Variants in MAN1A2 observed in about 807,000 individuals in gnomAD.
MAN1A2 encodes the protein mannosyl-oligosaccharide 1,2-alpha-mannosidase IB.
Under a neutral mutation model 75.7 loss-of-function variants are expected in MAN1A2, and 26 were observed. The observed-to-expected ratio is 0.34, with a 90% confidence interval of 0.25 to 0.48. MAN1A2 has a LOEUF of 0.48. MAN1A2 is among the 20% of genes least tolerant of loss of function. The pLI, the probability that MAN1A2 is intolerant of heterozygous loss-of-function variation, is 0.99. For missense variants in MAN1A2, 562 were observed against 775.5 expected (o/e 0.72, Z 3.27); for synonymous variants, 247 against 264.6 (o/e 0.93, Z 0.65).
chr1:117,384,767 A>G (rs1024817865), intron 1 of MAN1A2, among the ~76,000 whole-genome samples: 1 of 152,074 alleles, frequency 6.6e-6, no homozygotes, highest in Non-Finnish European at 1.5e-5. Context: ...GTATATATTT[A>G]TAGTTTTTAT....
intron 6 of MAN1A2, among the ~76,000 whole-genome samples, chr1:117,445,058 G>C (rs374436749): frequency 1.3e-4 from 20 of 152,074 alleles, no homozygotes; most frequent in Non-Finnish European, 2.9e-4. Flanking sequence ...AGATGTTCTT[G>C]TTGTTGTTTT....
At chr1:117,374,890 A>G (rs1653089124) in intron 1 of MAN1A2, among the ~76,000 whole-genome samples, 1 of 152,214 alleles carries the variant, frequency 6.6e-6, no homozygotes, top group Non-Finnish European at 1.5e-5. Context: ...TCTTTTTTGT[A>G]TATAAAAATT....
At chr1:117,470,679 T>G (rs1650121390) in intron 8 of MAN1A2, among the ~76,000 whole-genome samples, 1 of 152,024 alleles carries the variant, frequency 6.6e-6, no homozygotes, top group Admixed American at 6.6e-5. Context: ...TGATATCCTT[T>G]TAGCAGCTGT....
At chr1:117,431,198 A>G (rs1297863731) in intron 5 of MAN1A2, among the ~76,000 whole-genome samples, 736 of 2,488 alleles carry the variant, frequency 0.3, 6 homozygotes, top group Non-Finnish European at 0.36. Context: ...GGGGAGAGGG[A>G]GGGGGAGGGG....
chr1:117,388,399 C>T (rs1474445461), intron 1 of MAN1A2, among the ~76,000 whole-genome samples: 2 of 152,016 alleles, frequency 1.3e-5, no homozygotes, highest in Non-Finnish European at 2.9e-5. Flanking sequence ...AAGAAATACC[C>T]GAGACTGGGT....
At chr1:117,507,956 G>A (rs952957592) in intron 12 of MAN1A2, among the ~76,000 whole-genome samples, 10 of 151,696 alleles carry the variant, frequency 6.6e-5, no homozygotes, top group African/African-American at 2.4e-4. Flanking sequence ...TTAGCAGATA[G>A]AACACCAAGA....
At chr1:117,450,526 C>A (rs951322768) in intron 6 of MAN1A2, among the ~76,000 whole-genome samples, 4 of 152,186 alleles carry the variant, frequency 2.6e-5, no homozygotes, top group Non-Finnish European at 5.9e-5. Context: ...ATGTTAACCC[C>A]CAAGACAATG....
intron 1 of MAN1A2, among the ~76,000 whole-genome samples, chr1:117,401,790 G>C (rs1445441696): frequency 6.6e-6 from 1 of 152,052 alleles, no homozygotes; most frequent in Admixed American, 6.6e-5. Flanking sequence ...AAAACTTCCT[G>C]TTCTCTTATC....
At chr1:117,499,591 G>A in intron 11 of MAN1A2, 37 bp downstream of exon 11, 2 of 1,515,038 alleles carry the variant, frequency 1.3e-6, no homozygotes, top group Non-Finnish European at 9.0e-7. Flanking sequence ...CTGCAAGAGT[G>A]TTAACTCATG....
intron 5 of MAN1A2, among the ~76,000 whole-genome samples, chr1:117,438,402 A>G (rs12145435): frequency 0.11 from 16,549 of 152,172 alleles, 1,020 homozygotes; most frequent in Non-Finnish European, 0.14. Context: ...AAAAAGAAAA[A>G]CCCTAAAACG....
At chr1:117,516,865 A>C (rs1028436423) in intron 12 of MAN1A2, among the ~76,000 whole-genome samples, 1 of 152,090 alleles carries the variant, frequency 6.6e-6, no homozygotes, top group Non-Finnish European at 1.5e-5. Context: ...GAGAGAAATA[A>C]CCAAGGGAAT....
rs1254406299 is a variant in MAN1A2, at chr1:117,528,231, A to G, written c.*5274A>G. 1.3e-5 allele frequency: 2 copies of G among 152,072 alleles called. No individual in the cohort carries two copies. Among genetic ancestry groups the G allele is most frequent in the South Asian group, 2.1e-4 (1 of 4,834 alleles). 9.4% of individuals were successfully genotyped at this position (152,072 alleles called of 1,614,324 possible). ...CTAGCATATACATTGCAGTGCTCCAATCATGCTAACAGATAATAGATTTTT... is the reference window on the plus strand; with the variant it reads ...CTAGCATATACATTGCAGTGCTCCAGTCATGCTAACAGATAATAGATTTTT... On this transcript the variant is annotated 3_prime_UTR_variant, in exon 13 of 13. Coordinates refer to ENST00000356554, the MANE Select transcript of MAN1A2 (RefSeq NM_006699.5).
At chr1:117,444,270 C>T (rs61805787) in intron 6 of MAN1A2, among the ~76,000 whole-genome samples, 32,861 of 150,876 alleles carry the variant, frequency 0.22, 4,661 homozygotes, top group East Asian at 0.42. Context: ...TATTTGTTTC[C>T]ATTATTTTCC....
intron 8 of MAN1A2, among the ~76,000 whole-genome samples, chr1:117,477,434 C>A (rs560269150): frequency 6.6e-6 from 1 of 152,100 alleles, no homozygotes; most frequent in East Asian, 1.9e-4. Flanking sequence ...AAAAATTTAT[C>A]CACCATGATC....
At chr1:117,439,655 G>A (rs970896881) in intron 5 of MAN1A2, among the ~76,000 whole-genome samples, 4 of 151,930 alleles carry the variant, frequency 2.6e-5, no homozygotes, top group African/African-American at 9.7e-5. Context: ...CACCACACCT[G>A]GCTAATTTTT....
chr1:117,453,288 G>A (rs1649480254), intron 6 of MAN1A2, among the ~76,000 whole-genome samples: 1 of 152,166 alleles, frequency 6.6e-6, no homozygotes, highest in Non-Finnish European at 1.5e-5. Flanking sequence ...ATTTTGTAAG[G>A]CTATAGCTGC....
intron 4 of MAN1A2, among the ~76,000 whole-genome samples, chr1:117,419,370 C>G (rs1466589359): frequency 6.6e-6 from 1 of 151,842 alleles, no homozygotes; most frequent in African/African-American, 2.4e-5. Context: ...ACCCTTTTTT[C>G]CTTCCTCCTC....
chr1:117,477,320 C>T (rs1650345584), intron 8 of MAN1A2, among the ~76,000 whole-genome samples: 1 of 151,940 alleles, frequency 6.6e-6, no homozygotes, highest in South Asian at 2.1e-4. Context: ...CAAAACCTGG[C>T]AGAGACACAA....
chr1:117,477,886 A>G (rs1179297510), intron 8 of MAN1A2, among the ~76,000 whole-genome samples: 1 of 152,060 alleles, frequency 6.6e-6, no homozygotes, highest in Non-Finnish European at 1.5e-5. Flanking sequence ...AGAAAACCCC[A>G]TCGCCTCAGC....
Sources: allele counts gnomAD v4.1 joint callset (sites outside exome capture counted in the v4.1 genomes callset), GRCh38; gene constraint gnomAD v4.1.1; transcripts MANE v1.5; gene names NCBI Gene and HGNC (gene_info 2026-07-23, HGNC 2026-07-21).